The following VPS13B variants were observed in gnomAD, a reference collection of about 807,000 sequenced individuals.
VPS13B encodes vacuolar protein sorting 13 homolog B.
A neutral mutation model predicts 426.4 loss-of-function variants in VPS13B; 285 were observed. The ratio of observed to expected loss-of-function variants is 0.67; its 90% confidence interval spans 0.61 to 0.74. The LOEUF (loss-of-function observed/expected upper bound fraction) is 0.74, where lower values mean the gene tolerates loss of function less well. VPS13B is among the 30% of genes least tolerant of loss of function. The probability of loss-of-function intolerance (pLI) is 0.00; values close to 1 mark genes in which losing one functional copy is unlikely to be tolerated. For missense variants in VPS13B, 4,537 were observed against 4,782.6 expected (o/e 0.95, Z 1.51); for synonymous variants, 1,676 against 1,676.4 (o/e 1.00, Z 0.01).
At chr8:99,794,517 G>A (rs1253737646) in intron 43 of VPS13B, among the ~76,000 whole-genome samples, 1 of 152,204 alleles carries the variant, frequency 6.6e-6, no homozygotes, top group African/African-American at 2.4e-5. Flanking sequence ...CTCCTGCTTA[G>A]AAATAGCTCC....
intron 20 of VPS13B, among the ~76,000 whole-genome samples, chr8:99,385,704 G>A (rs980710252): frequency 2.6e-5 from 4 of 152,136 alleles, no homozygotes; most frequent in Non-Finnish European, 4.4e-5. Context: ...GTATGTCCAG[G>A]ATTATGTGAA....
At chr8:99,347,909 T>C (rs13270072) in intron 19 of VPS13B, 40,335 of 152,288 alleles carry the variant, frequency 0.26, 6,557 homozygotes, top group South Asian at 0.52. Flanking sequence ...TTTATGTCCT[T>C]GGCCTGGCAC....
intron 33 of VPS13B, among the ~76,000 whole-genome samples, chr8:99,614,568 G>A (rs892099139): frequency 6.6e-6 from 1 of 152,040 alleles, no homozygotes; most frequent in Non-Finnish European, 1.5e-5. Flanking sequence ...CTGAGCCACT[G>A]CGCCTGGCCT....
At chr8:99,067,792 A>G (rs35318343) in intron 3 of VPS13B, among the ~76,000 whole-genome samples, 12,653 of 152,292 alleles carry the variant, frequency 0.083, 897 homozygotes, top group African/African-American at 0.19. Context: ...TTGGCATCAA[A>G]AGTATTACTG....
intron 33 of VPS13B, among the ~76,000 whole-genome samples, chr8:99,640,068 A>AGAAG (rs1326235168): frequency 1.6e-4 from 22 of 136,268 alleles, no homozygotes; most frequent in Admixed American, 3.7e-4. Context: ...AAAGAAAAGA[A>AGAAG]AAGAAAAGAA....
At chr8:99,778,586 T>A in intron 41 of VPS13B, 96 bp from the exon 42 acceptor site, 1 of 1,112,706 alleles carries the variant, frequency 9.0e-7, no homozygotes. Context: ...ATTTCAATAA[T>A]CAAAAAGTGA....
At chr8:99,314,166 C>T (rs1272829770) in intron 19 of VPS13B, among the ~76,000 whole-genome samples, 5 of 152,052 alleles carry the variant, frequency 3.3e-5, no homozygotes, top group African/African-American at 9.7e-5. Context: ...TTGGGCTGCA[C>T]CCACTGTCCT....
intron 27 of VPS13B, among the ~76,000 whole-genome samples, chr8:99,504,060 T>C (rs1414551761): frequency 6.6e-6 from 1 of 152,182 alleles, no homozygotes; most frequent in African/African-American, 2.4e-5. Context: ...TGGGAGATAT[T>C]TGGGTCATAG....
At chr8:99,144,374 C>T (rs933890942) in intron 13 of VPS13B, among the ~76,000 whole-genome samples, 4 of 150,612 alleles carry the variant, frequency 2.7e-5, no homozygotes, top group Admixed American at 6.6e-5. Context: ...TGGTACATGG[C>T]TGTGGTCTCC....
chr8:99,681,216 G>A lies in VPS13B; in HGVS notation c.6047-18309G>A, dbSNP rs540351918. 4.6e-5 allele frequency among the ~76,000 whole-genome samples: 7 copies of A among 152,232 alleles called. No individual in the cohort carries two copies. In the South Asian group the frequency reaches 6.2e-4, roughly 14 times the overall value. The stretch of plus-strand genomic sequence containing the variant: ...CTTGTGATGGTTCTCATTCTGGTGC[G>A]TGCCTCCTGTCTTTTGGTGGACCTG... On this transcript the variant is annotated intron_variant, in intron 35 of 61. Coordinates refer to ENST00000357162, the MANE Select transcript of VPS13B (RefSeq NM_152564.5).
At chr8:99,522,563 C>T (rs1291312118) in intron 30 of VPS13B, among the ~76,000 whole-genome samples, 29 of 151,978 alleles carry the variant, frequency 1.9e-4, no homozygotes, top group Non-Finnish European at 1.5e-5. Context: ...TTCTTAGGGT[C>T]TTCCTTTTAT....
intron 17 of VPS13B, among the ~76,000 whole-genome samples, chr8:99,244,941 A>G (rs559909100): frequency 6.6e-6 from 1 of 152,306 alleles, no homozygotes; most frequent in East Asian, 1.9e-4. Flanking sequence ...GGAGGAACAC[A>G]TGAGAAATAA....
chr8:99,487,372 C>T (rs754242070), intron 25 of VPS13B, among the ~76,000 whole-genome samples: 5 of 152,106 alleles, frequency 3.3e-5, no homozygotes, highest in Non-Finnish European at 7.4e-5. Context: ...TCTTTTTAAT[C>T]TCACTCTCCT....
intron 30 of VPS13B, among the ~76,000 whole-genome samples, chr8:99,523,407 G>A (rs1236865286): frequency 6.6e-6 from 1 of 152,220 alleles, no homozygotes; most frequent in East Asian, 1.9e-4. Context: ...CGGGCATTGG[G>A]TGGGACCCAG....
At chr8:99,138,472 C>G (rs914337217) in intron 12 of VPS13B, among the ~76,000 whole-genome samples, 1 of 152,144 alleles carries the variant, frequency 6.6e-6, no homozygotes, top group Admixed American at 6.5e-5. Context: ...CATTGTAGTC[C>G]TATAGTTTCT....
intron 24 of VPS13B, among the ~76,000 whole-genome samples, chr8:99,480,000 C>T (rs1162251213): frequency 6.6e-6 from 1 of 152,128 alleles, no homozygotes; most frequent in Non-Finnish European, 1.5e-5. Flanking sequence ...TACATTCCTA[C>T]CAGCAGAAAA....
At chr8:99,419,780 A>C (rs1816270823) in intron 21 of VPS13B, among the ~76,000 whole-genome samples, 1 of 152,236 alleles carries the variant, frequency 6.6e-6, no homozygotes, top group South Asian at 2.1e-4. Flanking sequence ...AAAAGGTTTT[A>C]AGAAGGTACA....
At chr8:99,439,560 ACACTT>A (rs1337332299) in intron 22 of VPS13B, among the ~76,000 whole-genome samples, 1 of 152,134 alleles carries the variant, frequency 6.6e-6, no homozygotes, top group Non-Finnish European at 1.5e-5. Flanking sequence ...AGAGTAACAT[ACACTT>A]ATATAGAGAA....
At chr8:99,070,052 G>A (rs1396858350) in intron 3 of VPS13B, among the ~76,000 whole-genome samples, 2 of 152,106 alleles carry the variant, frequency 1.3e-5, no homozygotes, top group Non-Finnish European at 2.9e-5. Context: ...CTATAGACAT[G>A]CACCACCATG....
Sources: allele counts gnomAD v4.1 joint callset (sites outside exome capture counted in the v4.1 genomes callset), GRCh38; gene constraint gnomAD v4.1.1; transcripts MANE v1.5; gene names NCBI Gene and HGNC (gene_info 2026-07-23, HGNC 2026-07-21).